Variants in NOS1 observed in about 807,000 individuals in gnomAD.
The protein encoded by NOS1 is NOS type I.
A neutral mutation model predicts 164.5 loss-of-function variants in NOS1; 51 were observed. The ratio of observed to expected loss-of-function variants is 0.31; its 90% CI spans 0.25 to 0.39. The LOEUF is 0.39. NOS1 is among the 10% of genes least tolerant of loss of function. The pLI, the probability that NOS1 is intolerant of heterozygous loss-of-function variation, is 1.00. For missense variants in NOS1, 1,362 were observed against 1,885.6 expected (o/e 0.72, Z 5.14); for synonymous variants, 719 against 745.8 (o/e 0.96, Z 0.59).
At chr12:117,279,915 G>C (rs1419557007) in intron 8 of NOS1, among the ~76,000 whole-genome samples, 1 of 152,214 alleles carries the variant, frequency 6.6e-6, no homozygotes, top group African/African-American at 2.4e-5. Context: ...GCAGCCCTTA[G>C]CCTTGCCAGC....
chr12:117,217,199 C>T (rs1956625339), intron 28 of NOS1, among the ~76,000 whole-genome samples: 1 of 152,110 alleles, frequency 6.6e-6, no homozygotes, highest in African/African-American at 2.4e-5. Context: ...GATGAAAAAG[C>T]CCCCAGCCAT....
Position 117,227,493 on chromosome 12 carries a change from G to T in NOS1, c.3554C>A (p.Ser1185Tyr), listed in dbSNP as rs1226418509. Residue 1185 changes from serine (S) to tyrosine (Y), a missense_variant, in exon 23 of 29, where the codon TCC (serine) becomes TAC (tyrosine). By Grantham distance (144) the Ser-to-Tyr change is moderately radical. Coordinates refer to ENST00000317775, the MANE Select transcript of NOS1 (RefSeq NM_000620.5). ...LQPRYYSISSSPDMYPDEVHL... is the reference protein window; with the variant it reads ...LQPRYYSISSYPDMYPDEVHL... The stretch of plus-strand genomic sequence containing the variant: ...CACTTCATCAGGGTACATGTCTGGG[G>T]AGGAGCTGATGGAATAGTAGCGGGG... 1 of 1,613,292 alleles carries T rather than the reference G, an allele frequency of 6.2e-7. No individual in the cohort carries two copies. Among genetic ancestry groups the T allele is most frequent in the Non-Finnish European group, 8.5e-7 (1 of 1,179,686 alleles).
In NOS1 at chr12:117,272,347, T is replaced by C. The variant is rs752416075; in HGVS notation, c.1839+38A>G. ...ACTGCTGAGCTGGCACCCTCTGCTA[T>C]GTGCTTTTCCCCTGTGGTGACCAGA... On this transcript the variant is annotated intron_variant, in intron 10 of 28. Coordinates refer to ENST00000317775, the MANE Select transcript of NOS1 (RefSeq NM_000620.5). The surrounding 1 kb of genome is among the most constrained non-coding windows in gnomAD (Gnocchi z 4.3). 2.2e-5 allele frequency: 35 copies of C among 1,611,498 alleles called. No homozygotes were observed. The highest frequency in any genetic ancestry group is 3.0e-5 in the Non-Finnish European group (35 of 1,178,204).
At chr12:117,335,811 G>C (rs2136079678) in intron 1 of NOS1, among the ~76,000 whole-genome samples, 1 of 145,972 alleles carries the variant, frequency 6.9e-6, no homozygotes, top group South Asian at 2.2e-4. Context: ...CTCAAACTCT[G>C]TGCCTCAAGT....
chr12:117,232,002 G>C lies in NOS1; in HGVS notation c.3365C>G (p.Thr1122Ser). 1.2e-6 allele frequency: 2 copies of C among 1,612,974 alleles called. No individual in the cohort carries two copies. Among genetic ancestry groups the C allele is most frequent in the Non-Finnish European group, 1.7e-6 (2 of 1,179,972 alleles). Residue 1122 changes from threonine to serine, a missense_variant, in exon 22 of 29, where the codon ACC becomes AGC. Physicochemically the swap from Thr to Ser is moderately conservative, Grantham distance 58 (BLOSUM62 1). Transcript: ENST00000317775. ...CAGACGCTGCTTCTCCTTCTCGCTGGTAGCTAGGGAGGCAAACTGCTGCAG... is the reference window on the plus strand; with the variant it reads ...CAGACGCTGCTTCTCCTTCTCGCTGCTAGCTAGGGAGGCAAACTGCTGCAG... ...LQLQQFASLA[T>S]SEKEKQRLLV...
In NOS1 at chr12:117,214,506, T is replaced by C. The variant is rs755347367; in HGVS notation, c.*803A>G. 2.2e-5 allele frequency: 22 copies of C among 985,246 alleles called. No homozygotes were observed. Among genetic ancestry groups the C allele is most frequent in the Non-Finnish European group, 2.7e-5 (22 of 829,936 alleles). The allele number at this position is 985,246 out of a possible 1,614,324, so 61.0% of individuals were successfully genotyped here. A position where few individuals can be genotyped will look rare whatever the true frequency, so the allele number is the denominator to read the frequency against. ...TGGGGAGGGGATTTGCACAATCCAT[T>C]GGATGGGTTCATGTCACATGAGGGC... On this transcript the variant is annotated 3_prime_UTR_variant, in exon 29 of 29. Transcript: ENST00000317775.
intron 17 of NOS1, among the ~76,000 whole-genome samples, chr12:117,248,731 C>A (rs1208881650): frequency 6.6e-6 from 1 of 151,944 alleles, no homozygotes; most frequent in Non-Finnish European, 1.5e-5. Context: ...ATGGCTGGGT[C>A]AAATGGTATT....
chr12:117,220,398 C>T, intron 26 of NOS1, 129 bp from the exon 27 acceptor site: 1 of 871,326 alleles, frequency 1.1e-6, no homozygotes, highest in East Asian at 2.5e-5. Flanking sequence ...TGAGCTGATC[C>T]CAGGGAACAA....
chr12:117,301,238 C>T (rs1171548209), intron 3 of NOS1, among the ~76,000 whole-genome samples: 1 of 152,184 alleles, frequency 6.6e-6, no homozygotes, highest in Non-Finnish European at 1.5e-5. Context: ...AGCGATCCTC[C>T]TGCCTCAGCC....
chr12:117,305,032 A>G (rs373721618), intron 3 of NOS1: 1 of 985,338 alleles, frequency 1.0e-6, no homozygotes. Context: ...CTGCCCAGCC[A>G]TTTCTCAACC....
intron 2 of NOS1, among the ~76,000 whole-genome samples, chr12:117,326,160 C>A (rs1289276332): frequency 6.6e-6 from 1 of 151,874 alleles, no homozygotes; most frequent in African/African-American, 2.4e-5. Context: ...CCGAGACGGG[C>A]GGATCACCTG....
At chr12:117,240,655 A>G (rs1870088926) in intron 20 of NOS1, among the ~76,000 whole-genome samples, 1 of 152,204 alleles carries the variant, frequency 6.6e-6, no homozygotes, top group Non-Finnish European at 1.5e-5. Context: ...GGTTAGAATT[A>G]TAAAAGATCC....
chr12:117,301,878 A>T (rs1309114778), intron 3 of NOS1: 4 of 407,746 alleles, frequency 9.8e-6, no homozygotes, highest in African/African-American at 8.3e-5. Context: ...TCTGCCTCAA[A>T]TTCGCAATAT....
chr12:117,218,038 C>G lies in NOS1; in HGVS notation c.4289+8G>C. 6.3e-7 allele frequency: 1 copy of G among 1,595,484 alleles called. No homozygotes were observed. The highest frequency in any genetic ancestry group is 1.1e-5 in the South Asian group (1 of 90,682). On this transcript the variant is annotated splice_region_variant and intron_variant, in intron 28 of 28. Transcript: ENST00000317775. ...CCTGCCCCTCACCCAGGGATGGAGC[C>G]AGCTTACTCATCGGTGTCTTTTTTG...
chr12:117,274,107 A>G (rs532327741), intron 9 of NOS1, among the ~76,000 whole-genome samples: 6 of 152,320 alleles, frequency 3.9e-5, no homozygotes, highest in African/African-American at 1.4e-4. Flanking sequence ...AGGAACTCAC[A>G]CATTTCAAAA....
chr12:117,252,084 C>T (rs181018888), intron 17 of NOS1, among the ~76,000 whole-genome samples: 1 of 152,284 alleles, frequency 6.6e-6, no homozygotes, highest in Admixed American at 6.5e-5. Flanking sequence ...TTTAGGCTTA[C>T]AGGCCAAGAA....
Position 117,219,382 on chromosome 12 carries a change from CT to C in NOS1, c.4170+692del, listed in dbSNP as rs9658538. On this transcript the variant is annotated intron_variant, in intron 27 of 28. Coordinates refer to ENST00000317775, the MANE Select transcript of NOS1 (RefSeq NM_000620.5). The stretch of plus-strand genomic sequence containing the variant: ...AGTGCAATGACACGATCTTGGCTCA[CT>C]GCAAACTCCACCTCCCAGGTTCAAG... Among the ~76,000 whole-genome samples, 753 of 152,158 alleles carry C rather than the reference CT, an allele frequency of 4.9e-3. 4 individuals carry two copies. The highest frequency in any genetic ancestry group is 0.017 in the African/African-American group (722 of 41,508).
intron 8 of NOS1, 26 bp downstream of exon 8, chr12:117,280,699 A>G (rs1186929171): frequency 6.2e-7 from 1 of 1,602,930 alleles, no homozygotes. Context: ...ATGTTGGGGC[A>G]GGGTAGGGGG....
intron 1 of NOS1, among the ~76,000 whole-genome samples, chr12:117,359,848 C>G (rs1877031933): frequency 8.1e-6 from 1 of 123,670 alleles, no homozygotes; most frequent in Non-Finnish European, 1.6e-5. Context: ...TCTCCCAGAT[C>G]CGGTCCCAGA....
Sources: allele counts gnomAD v4.1 joint callset (sites outside exome capture counted in the v4.1 genomes callset), GRCh38; gene constraint gnomAD v4.1.1; non-coding constraint Gnocchi (gnomAD v3.1); transcripts MANE v1.5; gene names NCBI Gene and HGNC (gene_info 2026-07-23, HGNC 2026-07-21).